FILIP1L: variants seen among roughly 807,000 people sequenced by gnomAD.
FILIP1L encodes filamin A-interacting protein 1-like.
FILIP1L carries 55 observed loss-of-function variants against 96.6 expected under a neutral mutation model. The observed-to-expected ratio is 0.57, with a 90% CI of 0.46 to 0.71. FILIP1L has a LOEUF of 0.71. Among genes scored for constraint, FILIP1L ranks in the 30% least tolerant of loss-of-function variants. FILIP1L has a pLI of 0.00. For synonymous variants in FILIP1L, 467 were observed against 473.9 expected, an observed-to-expected ratio of 0.99 and a Z score of 0.19; for missense variants, 1,304 against 1,321.2, an observed-to-expected ratio of 0.99 and a Z score of 0.20.
chr3:100,099,346 A>G (rs1576058553), intron 1 of FILIP1L, among the ~76,000 whole-genome samples: 1 of 152,216 alleles, frequency 6.6e-6, no homozygotes, highest in Non-Finnish European at 1.5e-5. Flanking sequence ...TAATCCTATC[A>G]GAATTATGCA....
chr3:99,851,024 CCTT>C lies in FILIP1L; in HGVS notation c.649_651del (p.Lys217del). ...GTGACCCTTTTCTCCTTTTCTTGCTCCTTCTCCTCCTGAGACTTGATTTCTTGA... is the reference window on the plus strand; with the variant it reads ...GTGACCCTTTTCTCCTTTTCTTGCTCCTCCTCCTGAGACTTGATTTCTTGA... On this transcript the variant is annotated inframe_deletion, in exon 5 of 6. Transcript: ENST00000477258. 2 of 1,609,548 alleles carry C rather than the reference CCTT, an allele frequency of 1.2e-6. No individual in the cohort carries two copies. Among genetic ancestry groups the C allele is most frequent in the African/African-American group, 1.3e-5 (1 of 74,800 alleles).
Position 99,994,532 on chromosome 3 carries a change from A to G in FILIP1L, c.-10-63502T>C, listed in dbSNP as rs560439499. On this transcript the variant is annotated intron_variant, in intron 1 of 5. Transcript: ENST00000477258. ...TTTAAAAATCAAAATCATATCAAAT[A>G]TCTTCTCAGAACACAATGGAAAAAG... 1.1e-4 allele frequency among the ~76,000 whole-genome samples: 17 copies of G among 152,360 alleles called. No homozygotes were observed. The East Asian group carries it at 3.3e-3, about 29-fold the overall frequency.
chr3:99,846,439 T>C (rs1943368302), intron 5 of FILIP1L, among the ~76,000 whole-genome samples: 1 of 152,256 alleles, frequency 6.6e-6, no homozygotes, highest in South Asian at 2.1e-4. Flanking sequence ...ATTGTCTGTT[T>C]TGAAAGAGCT....
chr3:100,032,218 T>C (rs981037035), intron 1 of FILIP1L, among the ~76,000 whole-genome samples: 4 of 152,212 alleles, frequency 2.6e-5, no homozygotes, highest in Admixed American at 6.5e-5. Context: ...ATTATTGATA[T>C]GTATGCCTCT....
intron 1 of FILIP1L, among the ~76,000 whole-genome samples, chr3:100,046,426 C>CT (rs77328793): frequency 2.2e-3 from 319 of 143,464 alleles, no homozygotes; most frequent in Admixed American, 3.4e-3. Flanking sequence ...AGTAAACAAC[C>CT]TTTTTTTTTT....
intron 1 of FILIP1L, among the ~76,000 whole-genome samples, chr3:100,014,887 C>CT (rs1559725867): frequency 8.6e-4 from 28 of 32,454 alleles, no homozygotes; most frequent in South Asian, 2.4e-3. Context: ...TTTTTTTTTT[C>CT]TTTCTTTCTT....
At chr3:99,868,730 G>A (rs1944640675) in intron 4 of FILIP1L, among the ~76,000 whole-genome samples, 1 of 152,080 alleles carries the variant, frequency 6.6e-6, no homozygotes, top group Admixed American at 6.6e-5. Flanking sequence ...TGAAGAATAA[G>A]TCTGCCATCT....
Position 99,927,991 on chromosome 3 carries a change from A to G in FILIP1L, c.426+1865T>C, listed in dbSNP as rs146849777. 7.7e-3 allele frequency among the ~76,000 whole-genome samples: 1,169 copies of G among 152,340 alleles called. 20 individuals carry two copies. The highest frequency in any genetic ancestry group is 0.026 in the African/African-American group (1,078 of 41,576). On this transcript the variant is annotated intron_variant, in intron 3 of 5. Transcript: ENST00000477258. ...AGATAAATCACCTCTAGTTTACCCTAGACATGATTGAGATTTTTTAGGTTT... is the reference window on the plus strand; with the variant it reads ...AGATAAATCACCTCTAGTTTACCCTGGACATGATTGAGATTTTTTAGGTTT...
At chr3:99,983,422 A>ATATATATATATATATATG (rs1559713456) in intron 1 of FILIP1L, among the ~76,000 whole-genome samples, 10 of 86,924 alleles carry the variant, frequency 1.2e-4, no homozygotes, top group Non-Finnish European at 1.7e-4. Context: ...ATATATATGT[A>ATATATATATATATATATG]TGTATGTATG....
intron 1 of FILIP1L, among the ~76,000 whole-genome samples, chr3:100,061,587 G>T (rs1455402228): frequency 6.6e-6 from 1 of 152,180 alleles, no homozygotes; most frequent in Non-Finnish European, 1.5e-5. Context: ...CTCATAATAA[G>T]AGCAGTACTA....
chr3:99,851,114 G>A, intron 4 of FILIP1L, 44 bp from the exon 5 acceptor site: 1 of 1,443,750 alleles, frequency 6.9e-7, no homozygotes, highest in Non-Finnish European at 9.3e-7. Flanking sequence ...TGATGCTTTA[G>A]TAACTCATCG....
chr3:99,980,187 G>A (rs1055706453), intron 1 of FILIP1L, among the ~76,000 whole-genome samples: 7 of 152,042 alleles, frequency 4.6e-5, no homozygotes, highest in African/African-American at 1.2e-4. Context: ...TTGGACACTC[G>A]GAGCAAGTTT....
chr3:100,067,300 T>C (rs928544656), intron 1 of FILIP1L, among the ~76,000 whole-genome samples: 1 of 152,252 alleles, frequency 6.6e-6, no homozygotes, highest in Non-Finnish European at 1.5e-5. Context: ...TCTTGGCATT[T>C]ATACAAGTTA....
chr3:99,889,796 A>G (rs1457858507), intron 4 of FILIP1L, among the ~76,000 whole-genome samples: 1 of 151,986 alleles, frequency 6.6e-6, no homozygotes, highest in Non-Finnish European at 1.5e-5. Flanking sequence ...CAGTATATTA[A>G]TCCTCCTCCA....
intron 1 of FILIP1L, among the ~76,000 whole-genome samples, chr3:100,006,791 G>A (rs924723315): frequency 1.2e-4 from 18 of 152,106 alleles, no homozygotes; most frequent in Admixed American, 5.2e-4. Flanking sequence ...TAATAATTGC[G>A]GCATGTCAGC....
chr3:100,059,826 T>TA (rs2065529413), intron 1 of FILIP1L, among the ~76,000 whole-genome samples: 1 of 152,188 alleles, frequency 6.6e-6, no homozygotes, highest in Non-Finnish European at 1.5e-5. Context: ...TCCTGATTTT[T>TA]AAAAAACTCT....
At chr3:99,832,839 C>CA (rs771543470) in intron 5 of FILIP1L, among the ~76,000 whole-genome samples, 1,141 of 46,960 alleles carry the variant, frequency 0.024, 27 homozygotes, top group African/African-American at 0.055. Flanking sequence ...GACTCTGTCT[C>CA]AAAAAAAAAA....
At chr3:100,017,270 A>T (rs1405357920) in intron 1 of FILIP1L, among the ~76,000 whole-genome samples, 1 of 152,232 alleles carries the variant, frequency 6.6e-6, no homozygotes, top group Non-Finnish European at 1.5e-5. Flanking sequence ...AGCGGAAAGC[A>T]CTAACATGTT....
chr3:99,863,232 T>C (rs749636543), intron 4 of FILIP1L, among the ~76,000 whole-genome samples: 1 of 152,172 alleles, frequency 6.6e-6, no homozygotes, highest in Non-Finnish European at 1.5e-5. Flanking sequence ...CAGTTCACAA[T>C]AGGGTTCACA....
Sources: allele counts gnomAD v4.1 joint callset (sites outside exome capture counted in the v4.1 genomes callset), GRCh38; gene constraint gnomAD v4.1.1; transcripts MANE v1.5; gene names NCBI Gene and HGNC (gene_info 2026-07-23, HGNC 2026-07-21).